PRUNE2: variants seen among roughly 807,000 people sequenced by gnomAD.
The protein encoded by PRUNE2 is prune homolog 2 with BCH domain, also known as protein prune homolog 2.
Under a neutral mutation model 252.0 loss-of-function variants are expected in PRUNE2, and 164 were observed. The observed-to-expected ratio is 0.65, with a 90% CI of 0.57 to 0.74. The LOEUF (loss-of-function observed/expected upper bound fraction) is 0.74. Among genes scored for constraint, PRUNE2 ranks in the 30% least tolerant of loss-of-function variants. The pLI is 0.00. For synonymous variants in PRUNE2, 1,292 were observed against 1,350.2 expected, an observed-to-expected ratio of 0.96 and a Z score of 0.94; for missense variants, 3,495 against 3,711.0, an observed-to-expected ratio of 0.94 and a Z score of 1.51.
In PRUNE2 at chr9:76,708,607, C is replaced by T. The variant is rs765487230; in HGVS notation, c.3667G>A (p.Val1223Ile). The T allele has an allele frequency of 6.2e-7, 1 of 1,613,938 alleles. No individual in the cohort carries two copies. Among genetic ancestry groups the T allele is most frequent in the South Asian group, 1.1e-5 (1 of 91,078 alleles). The change falls in exon 8 of 19, where the codon GTC becomes ATC. Residue 1223 changes from valine to isoleucine, a missense_variant. Val to Ile is a conservative substitution (Grantham distance 29). Transcript: ENST00000376718. ...GATGACATGTCTTTATCTCTCATGA[C>T]AGAATCCCAAATACTGTTTGCAATT... ...QLIANSIWDS[V>I]MRDKDMSSFM...
At chr9:76,660,505 C>A (rs1351184455) in intron 9 of PRUNE2, among the ~76,000 whole-genome samples, 1 of 152,036 alleles carries the variant, frequency 6.6e-6, no homozygotes, top group African/African-American at 2.4e-5. Context: ...AGATGTGGGC[C>A]AGGCACGGTG....
intron 6 of PRUNE2, chr9:76,786,275 T>C (rs888609544): frequency 6.6e-6 from 1 of 152,188 alleles, no homozygotes; most frequent in African/African-American, 2.4e-5. Context: ...CTGATGCTCA[T>C]AGGAGAGAAT....
At chr9:76,866,897 T>G (rs1290772491) in intron 1 of PRUNE2, among the ~76,000 whole-genome samples, 1 of 152,056 alleles carries the variant, frequency 6.6e-6, no homozygotes, top group Non-Finnish European at 1.5e-5. Flanking sequence ...GGAATGCCCT[T>G]TCCGCCCGGT....
chr9:76,735,273 A>G (rs2048975912), intron 6 of PRUNE2, among the ~76,000 whole-genome samples: 1 of 152,236 alleles, frequency 6.6e-6, no homozygotes, highest in African/African-American at 2.4e-5. Context: ...CAACTTATGA[A>G]AACCTACTGA....
chr9:76,730,705 G>T (rs1184653941), intron 6 of PRUNE2, among the ~76,000 whole-genome samples: 2 of 152,204 alleles, frequency 1.3e-5, no homozygotes, highest in Admixed American at 1.3e-4. Flanking sequence ...TTCAAGACCA[G>T]CCTGACCAAT....
intron 1 of PRUNE2, among the ~76,000 whole-genome samples, chr9:76,869,340 G>A (rs985085475): frequency 1.3e-5 from 2 of 152,222 alleles, no homozygotes; most frequent in East Asian, 3.9e-4. Flanking sequence ...GGGATCTGCA[G>A]AGCAATTACT....
At chr9:76,844,990 C>G (rs1350799414) in intron 4 of PRUNE2, among the ~76,000 whole-genome samples, 2 of 130,688 alleles carry the variant, frequency 1.5e-5, no homozygotes, top group African/African-American at 3.2e-5. Context: ...ATGGTGAGAC[C>G]CCCCTCTCTT....
chr9:76,663,147 C>T (rs1329313683), intron 9 of PRUNE2, among the ~76,000 whole-genome samples: 1 of 152,196 alleles, frequency 6.6e-6, no homozygotes, highest in Non-Finnish European at 1.5e-5. Context: ...CAGCACTGAG[C>T]TTCACACTTT....
At chr9:76,763,617 C>G (rs1254016890) in intron 6 of PRUNE2, among the ~76,000 whole-genome samples, 5 of 152,198 alleles carry the variant, frequency 3.3e-5, no homozygotes, top group African/African-American at 1.2e-4. Flanking sequence ...CTGGTGTCGT[C>G]TATTTAGCTT....
intron 9 of PRUNE2, among the ~76,000 whole-genome samples, chr9:76,673,921 A>G (rs2042021529): frequency 6.6e-6 from 1 of 152,082 alleles, no homozygotes; most frequent in South Asian, 2.1e-4. Flanking sequence ...AATAAGAGCT[A>G]TCTATGACAA....
At chr9:76,796,262 C>T (rs114270305) in intron 6 of PRUNE2, among the ~76,000 whole-genome samples, 3,507 of 151,868 alleles carry the variant, frequency 0.023, 74 homozygotes, top group African/African-American at 0.056. Context: ...GAAGGGACCA[C>T]GCAATGGACT....
At chr9:76,668,516 T>C (rs1364869865) in intron 9 of PRUNE2, among the ~76,000 whole-genome samples, 1 of 152,134 alleles carries the variant, frequency 6.6e-6, no homozygotes, top group Non-Finnish European at 1.5e-5. Flanking sequence ...TAGGAAGGGT[T>C]CTCCCATTCC....
chr9:76,857,664 C>T lies in PRUNE2; in HGVS notation c.37-3456G>A, dbSNP rs116624976. Among the ~76,000 whole-genome samples the T allele has an allele frequency of 9.2e-3, 1,397 of 152,250 alleles. 23 individuals carry two copies. Among genetic ancestry groups the T allele is most frequent in the African/African-American group, 0.032 (1,337 of 41,532 alleles). ...ATTAGTCATGTAGACTCACCCTGTA[C>T]GTGAGCTCAATCTCTTCAAATTGGA... On this transcript the variant is annotated intron_variant, in intron 1 of 18. Transcript: ENST00000376718.
intron 6 of PRUNE2, among the ~76,000 whole-genome samples, chr9:76,743,979 A>T (rs924382752): frequency 6.6e-6 from 1 of 152,238 alleles, no homozygotes; most frequent in Non-Finnish European, 1.5e-5. Context: ...AAAACAAACT[A>T]TGAGGTTGTC....
chr9:76,831,177 C>T (rs1360628083), intron 4 of PRUNE2, among the ~76,000 whole-genome samples: 1 of 152,108 alleles, frequency 6.6e-6, no homozygotes, highest in Non-Finnish European at 1.5e-5. Context: ...GATCCGCCCA[C>T]CTCGGCCTCC....
chr9:76,773,617 T>C (rs1358061069), intron 6 of PRUNE2, among the ~76,000 whole-genome samples: 1 of 152,086 alleles, frequency 6.6e-6, no homozygotes. Context: ...CTAATTTTTG[T>C]ACTTTTAGTA....
At chr9:76,689,420 A>C (rs1352080485) in intron 9 of PRUNE2, among the ~76,000 whole-genome samples, 1 of 152,112 alleles carries the variant, frequency 6.6e-6, no homozygotes, top group Non-Finnish European at 1.5e-5. Context: ...CAGTGGCATG[A>C]TCATAGCTCA....
intron 2 of PRUNE2, among the ~76,000 whole-genome samples, chr9:76,852,838 A>G (rs936438456): frequency 5.0e-5 from 6 of 120,490 alleles, no homozygotes; most frequent in African/African-American, 1.8e-4. Context: ...CTATCTATCT[A>G]TCTATCTATC....
chr9:76,666,524 C>G (rs529088873), intron 9 of PRUNE2, among the ~76,000 whole-genome samples: 5 of 152,126 alleles, frequency 3.3e-5, no homozygotes, highest in African/African-American at 1.2e-4. Context: ...CGTAAGCTGT[C>G]CTCTCTCTCT....
Sources: gnomAD v4.1 joint callset for allele counts (sites outside exome capture counted in the v4.1 genomes callset) on GRCh38, gnomAD v4.1.1 for gene constraint, MANE v1.5 for transcripts, NCBI Gene and HGNC (gene_info 2026-07-23, HGNC 2026-07-21) for gene names.